Variants in ZNF385D observed in about 807,000 individuals in gnomAD.
ZNF385D encodes the protein zinc finger protein 659.
In ZNF385D, 15 loss-of-function variants were observed where a neutral mutation model predicts 35.8. That is an observed-to-expected ratio of 0.42 (90% CI 0.28 to 0.64). The LOEUF (loss-of-function observed/expected upper bound fraction) is 0.64. Ranked by LOEUF, ZNF385D falls within the 30% of genes least tolerant of loss-of-function variation. The pLI is 0.23. For synonymous variants in ZNF385D, 212 were observed against 186.8 expected, an observed-to-expected ratio of 1.13 and a Z score of -1.10; for missense variants, 474 against 494.6, an observed-to-expected ratio of 0.96 and a Z score of 0.39.
At chr3:22,018,066 T>G (rs1696996052) in intron 3 of ZNF385D, among the ~76,000 whole-genome samples, 1 of 151,798 alleles carries the variant, frequency 6.6e-6, no homozygotes, top group East Asian at 1.9e-4. Context: ...TTGAAAATAA[T>G]AATTAATTAT....
chr3:21,917,114 A>G (rs995835973), intron 3 of ZNF385D, among the ~76,000 whole-genome samples: 1 of 152,222 alleles, frequency 6.6e-6, no homozygotes, highest in Non-Finnish European at 1.5e-5. Context: ...TGGAGAAGAC[A>G]CAAGATATTT....
Position 21,856,214 on chromosome 3 carries a change from C to T in ZNF385D, c.326-191186G>A, listed in dbSNP as rs532836741. On this transcript the variant is annotated intron_variant, in intron 3 of 5. Coordinates refer to the ZNF385D transcript ENST00000494108. Reference sequence around the variant, plus strand: ...TGATCTCTCCTACTTCCTTGATCACCGGTCATTTCTTCACAGACTTCTTTG... The same window carrying T: ...TGATCTCTCCTACTTCCTTGATCACTGGTCATTTCTTCACAGACTTCTTTG... Among the ~76,000 whole-genome samples the T allele has an allele frequency of 2.2e-4, 34 of 152,072 alleles. 1 individual carries two copies. The highest frequency in any genetic ancestry group is 7.7e-4 in the African/African-American group (32 of 41,494).
rs1387039261 is a variant in ZNF385D, at chr3:21,838,643, T to C, written c.326-173615A>G. The stretch of plus-strand genomic sequence containing the variant: ...GTCACGGTTTTTTATGTTTAAAGGA[T>C]AGCAAACTGGCCTTATCCATCTATG... On this transcript the variant is annotated intron_variant, in intron 3 of 5. Transcript: ENST00000494108. 3.3e-5 allele frequency among the ~76,000 whole-genome samples: 5 copies of C among 152,150 alleles called. No individual in the cohort carries two copies. In the South Asian group the frequency reaches 8.3e-4, roughly 25 times the overall value.
At position 21,714,318 on chromosome 3, in the gene ZNF385D, T is replaced by C. The variant is rs1018138164; in HGVS notation, c.22+36577A>G. Reference sequence around the variant, plus strand: ...CTAGACTAAGTTATTTCATAAGTCTTTTATGTTTCAGTTTTCTCATGAAAC... The same window carrying C: ...CTAGACTAAGTTATTTCATAAGTCTCTTATGTTTCAGTTTTCTCATGAAAC... On this transcript the variant is annotated intron_variant, in intron 1 of 7. Transcript: ENST00000281523. 2.6e-5 allele frequency among the ~76,000 whole-genome samples: 4 copies of C among 152,192 alleles called. No homozygotes were observed. In the East Asian group the frequency reaches 7.7e-4, roughly 29 times the overall value.
chr3:21,720,953 A>G (rs985223811), intron 1 of ZNF385D, among the ~76,000 whole-genome samples: 2 of 152,240 alleles, frequency 1.3e-5, no homozygotes, highest in African/African-American at 4.8e-5. Flanking sequence ...ATAATGGAGC[A>G]GGGAGATAAA....
At chr3:22,217,398 A>G (rs774563708) in intron 2 of ZNF385D, among the ~76,000 whole-genome samples, 9 of 152,080 alleles carry the variant, frequency 5.9e-5, no homozygotes, top group Non-Finnish European at 4.4e-5. Context: ...GCATCTCCTT[A>G]TCTGTTGGCC....
At chr3:21,606,883 G>C (rs1040135445) in intron 2 of ZNF385D, among the ~76,000 whole-genome samples, 1 of 152,004 alleles carries the variant, frequency 6.6e-6, no homozygotes, top group Non-Finnish European at 1.5e-5. Context: ...ATTTTCTTCT[G>C]ATCAATTCTG....
chr3:22,279,405 G>A (rs937185682), intron 2 of ZNF385D, among the ~76,000 whole-genome samples: 6 of 151,328 alleles, frequency 4.0e-5, no homozygotes, highest in South Asian at 2.1e-4. Context: ...GATGGTTTCC[G>A]ATTCCTTCCA....
At chr3:22,344,918 G>A (rs540612931) in intron 2 of ZNF385D, among the ~76,000 whole-genome samples, 7 of 152,164 alleles carry the variant, frequency 4.6e-5, no homozygotes, top group South Asian at 2.1e-4. Context: ...TTTGAAGAAT[G>A]TAGTTGCTCA....
At chr3:22,322,134 A>ATATCATATT (rs1694468169) in intron 2 of ZNF385D, among the ~76,000 whole-genome samples, 2 of 152,252 alleles carry the variant, frequency 1.3e-5, no homozygotes, top group South Asian at 4.1e-4. Context: ...TCACACTTTT[A>ATATCATATT]TATCATATTT....
intron 3 of ZNF385D, among the ~76,000 whole-genome samples, chr3:21,815,888 T>C (rs1236037235): frequency 6.6e-6 from 1 of 152,098 alleles, no homozygotes. Context: ...AAAAAGAGAA[T>C]TTTAGACCAA....
rs544561821 is a variant in ZNF385D, at chr3:22,370,548, A to G, written c.106+1902T>C. 1.1e-3 allele frequency among the ~76,000 whole-genome samples: 166 copies of G among 152,306 alleles called. 1 individual carries two copies. Among genetic ancestry groups the G allele is most frequent in the African/African-American group, 3.8e-3 (160 of 41,566 alleles). On this transcript the variant is annotated intron_variant, in intron 2 of 5. Transcript: ENST00000494108. Reference sequence around the variant, plus strand: ...CTATGGTATTACAATCACTGTATGAATTTTTCATGGAATTAAAACTTAGAG... The same window carrying G: ...CTATGGTATTACAATCACTGTATGAGTTTTTCATGGAATTAAAACTTAGAG...
intron 2 of ZNF385D, among the ~76,000 whole-genome samples, chr3:21,658,742 A>G (rs1215730822): frequency 6.6e-6 from 1 of 152,010 alleles, no homozygotes; most frequent in Non-Finnish European, 1.5e-5. Flanking sequence ...TTTACCATAT[A>G]GCTTTCCTTG....
chr3:21,965,941 G>C (rs1187798521), intron 3 of ZNF385D, among the ~76,000 whole-genome samples: 1 of 152,078 alleles, frequency 6.6e-6, no homozygotes, highest in Non-Finnish European at 1.5e-5. Flanking sequence ...CTAGATAAGA[G>C]TTCTTTGTAC....
chr3:21,742,748 C>T (rs369339282), intron 1 of ZNF385D, among the ~76,000 whole-genome samples: 56 of 152,272 alleles, frequency 3.7e-4, no homozygotes, highest in South Asian at 6.2e-4. Context: ...CAGTTTCTTG[C>T]GATTGCTACT....
At chr3:22,154,086 G>A (rs1053886829) in intron 3 of ZNF385D, among the ~76,000 whole-genome samples, 2 of 152,112 alleles carry the variant, frequency 1.3e-5, no homozygotes, top group African/African-American at 4.8e-5. Flanking sequence ...ATGTGAATTG[G>A]GAGTAAGGAT....
At chr3:22,117,370 C>A (rs923999197) in intron 3 of ZNF385D, among the ~76,000 whole-genome samples, 5 of 151,878 alleles carry the variant, frequency 3.3e-5, no homozygotes, top group Non-Finnish European at 5.9e-5. Context: ...AAACCTGTTT[C>A]GTATGAGTGT....
At chr3:21,753,458 C>T (rs768986524), upstream of ZNF385D, among the ~76,000 whole-genome samples, 1 of 152,140 alleles carries the variant, frequency 6.6e-6, no homozygotes, top group East Asian at 1.9e-4. Context: ...CAATCTTTGC[C>T]TGGTAGTATA....
chr3:22,067,013 C>T (rs1360665395), intron 3 of ZNF385D, among the ~76,000 whole-genome samples: 1 of 152,162 alleles, frequency 6.6e-6, no homozygotes, highest in Non-Finnish European at 1.5e-5. Context: ...GCTCAGGCAC[C>T]TAATGTGACT....
Sources: gnomAD v4.1 joint callset for allele counts (sites outside exome capture counted in the v4.1 genomes callset) on GRCh38, gnomAD v4.1.1 for gene constraint, MANE v1.5 for transcripts, NCBI Gene and HGNC (gene_info 2026-07-23, HGNC 2026-07-21) for gene names.